The following SYNE3 variants were observed in gnomAD, a reference collection of about 807,000 sequenced individuals.
The protein encoded by SYNE3 is nesprin-3.
SYNE3 carries 100 observed loss-of-function variants against 111.2 expected under a neutral mutation model. That is an observed-to-expected ratio of 0.90 (90% CI 0.77 to 1.06). SYNE3 has a LOEUF of 1.06. SYNE3 is among the 50% of genes least tolerant of loss of function. The pLI, the probability that SYNE3 is intolerant of heterozygous loss-of-function variation, is 0.00. For missense variants in SYNE3, 1,160 were observed against 1,240.3 expected (o/e 0.94, Z 0.97); for synonymous variants, 547 against 533.9 (o/e 1.02, Z -0.34).
At chr14:95,480,661 A>C (rs1889184844) in intron 1 of SYNE3, among the ~76,000 whole-genome samples, 1 of 152,250 alleles carries the variant, frequency 6.6e-6, no homozygotes, top group Non-Finnish European at 1.5e-5. Context: ...GGGACACCTT[A>C]ATTTGAGTCA....
At chr14:95,473,484 C>A (rs1209709570) in intron 2 of SYNE3, among the ~76,000 whole-genome samples, 1 of 151,992 alleles carries the variant, frequency 6.6e-6, no homozygotes, top group Non-Finnish European at 1.5e-5. Context: ...GAGAGATGCA[C>A]GGACAGGAGG....
chr14:95,479,137 G>A (rs1439531347), intron 1 of SYNE3, among the ~76,000 whole-genome samples: 2 of 148,024 alleles, frequency 1.4e-5, no homozygotes, highest in South Asian at 2.1e-4. Flanking sequence ...GCTCATGCCT[G>A]TAATCCCAGC....
chr14:95,439,886 G>T, intron 12 of SYNE3, 28 bp downstream of exon 12: 1 of 1,602,482 alleles, frequency 6.2e-7, no homozygotes, highest in Non-Finnish European at 8.5e-7. Context: ...GCTTCTTTGG[G>T]AAGTGGGTGA....
Position 95,439,103 on chromosome 14 carries a change from A to G in SYNE3, c.2306T>C (p.Phe769Ser). 1 of 1,614,266 alleles carries G rather than the reference A, an allele frequency of 6.2e-7. No homozygotes were observed. The highest frequency in any genetic ancestry group is 2.2e-5 in the East Asian group (1 of 44,890). The change falls in exon 14 of 18, where the codon TTC becomes TCC. Residue 769 changes from phenylalanine to serine, a missense_variant. Physicochemically the swap from Phe to Ser is radical, Grantham distance 155. Transcript: ENST00000682763. ...MEVDSGKKMV[F>S]TNNIPKSGFL... ...TCCTGACTTTGGGATGTTGTTGGTG[A>G]AAACCATTTTCTTCCCCGAATCCAC... is the stretch of plus-strand genomic sequence containing the variant.
At chr14:95,440,578 G>C (rs1485120780) in intron 11 of SYNE3, among the ~76,000 whole-genome samples, 1 of 152,214 alleles carries the variant, frequency 6.6e-6, no homozygotes, top group African/African-American at 2.4e-5. Flanking sequence ...TCACACAATG[G>C]AATGTTTTAC....
At position 95,439,750 on chromosome 14, in the gene SYNE3, T is replaced by G; in HGVS notation, c.2108A>C (p.Gln703Pro). The change falls in exon 13 of 18, where the codon CAG (glutamine) becomes CCG (proline). Residue 703 changes from glutamine to proline, a missense_variant. Transcript: ENST00000682763. ...GCCCTGCGCTTCCACCAGGGACAGC[T>G]GGGCCTCCTTCTCCGGGAATTCTGC... ...LVAEFPEKEA[Q>P]LSLVEAQGWL... 1 of 1,613,800 alleles carries G rather than the reference T, an allele frequency of 6.2e-7. No individual in the cohort carries two copies. Among genetic ancestry groups the G allele is most frequent in the Non-Finnish European group, 8.5e-7 (1 of 1,179,762 alleles).
chr14:95,457,136 G>A, intron 5 of SYNE3, 41 bp downstream of exon 5: 2 of 372,388 alleles, frequency 5.4e-6, no homozygotes, highest in East Asian at 1.1e-4. Flanking sequence ...CTCTGTGACT[G>A]TCCCTAGGGT....
At chr14:95,493,325 T>G (rs1396208194) in intron 1 of SYNE3, among the ~76,000 whole-genome samples, 1 of 152,212 alleles carries the variant, frequency 6.6e-6, no homozygotes, top group Non-Finnish European at 1.5e-5. Context: ...ACAACTTTAA[T>G]GGTTGGTATA....
Position 95,457,244 on chromosome 14 carries a change from T to A in SYNE3, c.722A>T (p.Glu241Val), listed in dbSNP as rs765075179. ...CCGCCCCAGGCAGCCATTCACCTTC[T>A]CCACCACCGCCTTCAGCCACAGTTG... ...EFQLWLKAVV[E>V]KVNGCLGRNC... Residue 241 changes from glutamate (E) to valine (V), a missense_variant, in exon 5 of 18, where the codon GAG (glutamate) becomes GTG (valine). Transcript: ENST00000682763. 1.9e-6 allele frequency: 3 copies of A among 1,614,130 alleles called. No individual in the cohort carries two copies. In the South Asian group the frequency reaches 3.3e-5, roughly 18 times the overall value.
At chr14:95,466,891 C>T (rs1888217902) in intron 3 of SYNE3, among the ~76,000 whole-genome samples, 1 of 152,182 alleles carries the variant, frequency 6.6e-6, no homozygotes. Context: ...GGAGCTCCTG[C>T]CATGTGGAAT....
intron 9 of SYNE3, among the ~76,000 whole-genome samples, chr14:95,445,352 G>A (rs1886650997): frequency 6.6e-6 from 1 of 152,194 alleles, no homozygotes; most frequent in Admixed American, 6.5e-5. Flanking sequence ...CTCTTATGTG[G>A]ATTAGATAAG....
chr14:95,487,314 T>C (rs917011280), intron 1 of SYNE3, among the ~76,000 whole-genome samples: 2 of 152,208 alleles, frequency 1.3e-5, no homozygotes, highest in African/African-American at 4.8e-5. Context: ...TTCTTACACC[T>C]TGGAGGTAGG....
Position 95,417,584 on chromosome 14 carries a change from T to A in SYNE3, c.*242A>T. 1.8e-6 allele frequency: 1 copy of A among 566,594 alleles called. No individual in the cohort carries two copies. The highest frequency in any genetic ancestry group is 3.2e-6 in the Non-Finnish European group (1 of 315,618). The allele number at this position is 566,594 out of a possible 1,614,324, so 35.1% of individuals were successfully genotyped here. On this transcript the variant is annotated 3_prime_UTR_variant, in exon 18 of 18. Transcript: ENST00000682763. Reference sequence around the variant, plus strand: ...TACATACTGAGCATTTACATACAGATCATATAAAAATTCTAGACATTATTC... The same window carrying A: ...TACATACTGAGCATTTACATACAGAACATATAAAAATTCTAGACATTATTC...
At chr14:95,459,759 G>C (rs1377658288) in intron 4 of SYNE3, among the ~76,000 whole-genome samples, 1 of 152,146 alleles carries the variant, frequency 6.6e-6, no homozygotes, top group East Asian at 1.9e-4. Context: ...TTTTAGAAAT[G>C]GGGAAGCCCA....
rs71132351 is a variant in SYNE3 at position 95,479,224 on chromosome 14, CAA to C, written c.-14-3391_-14-3390del. Among the ~76,000 whole-genome samples, 42 of 86,296 alleles carry C rather than the reference CAA, an allele frequency of 4.9e-4. 1 individual carries two copies. The highest frequency in any genetic ancestry group is 1.1e-3 in the African/African-American group (25 of 22,136). 56.6% of individuals were successfully genotyped at this position (86,296 alleles called of 152,430 possible). A position where few individuals can be genotyped will look rare whatever the true frequency, so the allele number is the denominator to read the frequency against. On this transcript the variant is annotated intron_variant, in intron 1 of 17. Coordinates refer to ENST00000682763, the MANE Select transcript of SYNE3 (RefSeq NM_152592.6). Reference sequence around the variant, plus strand: ...CAGCATAGTGAGACCTCGTCTCTACCAAAAAAAAAAAAAAAAAAAAAAAAAAA... The same window carrying C: ...CAGCATAGTGAGACCTCGTCTCTACCAAAAAAAAAAAAAAAAAAAAAAAAA...
chr14:95,418,573 C>T (rs1339670186), intron 17 of SYNE3, among the ~76,000 whole-genome samples: 2 of 152,068 alleles, frequency 1.3e-5, no homozygotes, highest in Non-Finnish European at 2.9e-5. Context: ...TCTTCCCTTT[C>T]CTCTTTTTCC....
intron 1 of SYNE3, among the ~76,000 whole-genome samples, chr14:95,483,350 C>T (rs1889366957): frequency 6.6e-6 from 1 of 152,180 alleles, no homozygotes; most frequent in South Asian, 2.1e-4. Flanking sequence ...CTGGCATGGG[C>T]GTGCTCGCTT....
chr14:95,447,136 T>G (rs1033537401), intron 8 of SYNE3, among the ~76,000 whole-genome samples: 1 of 28,840 alleles, frequency 3.5e-5, no homozygotes, highest in Non-Finnish European at 6.7e-5. Flanking sequence ...GTGGTCATTC[T>G]TTTTTTTTTT....
At chr14:95,493,778 C>G (rs147878496) in intron 1 of SYNE3, among the ~76,000 whole-genome samples, 5 of 152,216 alleles carry the variant, frequency 3.3e-5, no homozygotes, top group Non-Finnish European at 5.9e-5. Flanking sequence ...GCCTTGAGCG[C>G]CAGGGTTCTC....
Sources: gnomAD v4.1 joint callset for allele counts (sites outside exome capture counted in the v4.1 genomes callset) on GRCh38, gnomAD v4.1.1 for gene constraint, MANE v1.5 for transcripts, NCBI Gene and HGNC (gene_info 2026-07-23, HGNC 2026-07-21) for gene names.